ANKRD18B: variants seen among roughly 807,000 people sequenced by gnomAD.
ANKRD18B encodes the protein ankyrin repeat domain-containing protein 18B.
A neutral mutation model predicts 111.8 loss-of-function variants in ANKRD18B; 75 were observed. The ratio of observed to expected loss-of-function variants is 0.67; its 90% confidence interval spans 0.56 to 0.81. ANKRD18B has a LOEUF of 0.81. Ranked by LOEUF, ANKRD18B falls within the 40% of genes least tolerant of loss-of-function variation. The pLI is 0.00. For missense variants in ANKRD18B, 1,038 were observed against 1,225.5 expected (o/e 0.85, Z 2.28); for synonymous variants, 356 against 417.3 (o/e 0.85, Z 1.79).
chr9:33,573,307 G>A (rs1828810867), downstream of ANKRD18B: 6 of 984,710 alleles, frequency 6.1e-6, no homozygotes, highest in South Asian at 2.4e-4. Flanking sequence ...AACTAGCAAA[G>A]GGCCTTCTAG....
rs986554390 is a variant in ANKRD18B at position 33,534,362 on chromosome 9, T to C, written c.603-8T>C. The C allele has an allele frequency of 1.3e-6, 2 of 1,523,908 alleles. No individual in the cohort carries two copies. The allele number at this position is 1,523,908 out of a possible 1,614,324, so 94.4% of individuals were successfully genotyped here. On this transcript the variant is annotated splice_region_variant and splice_polypyrimidine_tract_variant and intron_variant, in intron 4 of 18. Transcript: ENST00000684830. ...TTCTTGAGTGCTGTTATTTCTTTAT[T>C]GTTTTAGAACAGCCCTCATACTTGC... is the stretch of plus-strand genomic sequence containing the variant.
chr9:33,569,113 T>C, intron 17 of ANKRD18B: 2 of 431,784 alleles, frequency 4.6e-6, no homozygotes, highest in East Asian at 4.0e-5. Flanking sequence ...ATTCAATAAA[T>C]GTGGTTAAAC....
At chr9:33,574,950 C>CTA (rs1828839934), downstream of ANKRD18B, among the ~76,000 whole-genome samples, 2 of 152,118 alleles carry the variant, frequency 1.3e-5, no homozygotes, top group Admixed American at 6.5e-5. Context: ...CTGTGAGTGG[C>CTA]TCTGCGTGAA....
intron 10 of ANKRD18B, among the ~76,000 whole-genome samples, chr9:33,544,714 G>A (rs1337575917): frequency 6.6e-6 from 1 of 152,094 alleles, no homozygotes; most frequent in Non-Finnish European, 1.5e-5. Flanking sequence ...GTGCATGCCT[G>A]TAATCCCAGC....
In ANKRD18B at chr9:33,566,574, G is replaced by A. The variant is rs13284896; in HGVS notation, c.2742+74G>A. On this transcript the variant is annotated intron_variant, in intron 15 of 18. Transcript: ENST00000684830. ...TTTCACTGCAAACTGTATTTTGGAT[G>A]TGTATATATTGTGTTTCCTCTGCCT... 14 of 1,531,286 alleles carry A rather than the reference G, an allele frequency of 9.1e-6. No individual in the cohort carries two copies. In the South Asian group the frequency reaches 1.3e-4, roughly 15 times the overall value. The allele number at this position is 1,531,286 out of a possible 1,614,324, so 94.9% of individuals were successfully genotyped here.
intron 10 of ANKRD18B, 106 bp from the exon 11 acceptor site, chr9:33,547,832 A>G: frequency 1.2e-6 from 1 of 808,310 alleles, no homozygotes. Flanking sequence ...TTATCCACTT[A>G]CAGCAACTTT....
At chr9:33,548,976 A>C in intron 11 of ANKRD18B, 121 bp downstream of exon 11, 1 of 1,036,432 alleles carries the variant, frequency 9.6e-7, no homozygotes, top group Non-Finnish European at 1.3e-6. Flanking sequence ...CATTCTGTAT[A>C]ATTCCATTTA....
At chr9:33,557,521 G>A (rs544932038) in intron 13 of ANKRD18B, among the ~76,000 whole-genome samples, 62 of 152,302 alleles carry the variant, frequency 4.1e-4, no homozygotes, top group African/African-American at 1.5e-3. Flanking sequence ...AGGTGTGGTG[G>A]CTCATGCCTG....
intron 12 of ANKRD18B, among the ~76,000 whole-genome samples, chr9:33,552,798 T>A (rs1020829301): frequency 4.0e-5 from 6 of 151,330 alleles, no homozygotes; most frequent in Admixed American, 2.6e-4. Context: ...TAGCTCACTA[T>A]GTACATGTAC....
At chr9:33,568,623 T>C in intron 16 of ANKRD18B, 48 bp from the exon 17 acceptor site, 1 of 1,436,346 alleles carries the variant, frequency 7.0e-7, no homozygotes, top group Non-Finnish European at 9.2e-7. Context: ...TTAAGAATCA[T>C]TCAAGGTAAA....
chr9:33,547,696 G>GTA (rs1263581420), intron 10 of ANKRD18B, among the ~76,000 whole-genome samples: 1 of 134,528 alleles, frequency 7.4e-6, no homozygotes, highest in Non-Finnish European at 1.7e-5. Flanking sequence ...GTGTGTGTGT[G>GTA]TGTGTGTGTG....
chr9:33,555,616 A>G (rs1398360450), intron 12 of ANKRD18B, 92 bp from the exon 13 acceptor site: 29 of 999,538 alleles, frequency 2.9e-5, no homozygotes, highest in Non-Finnish European at 3.6e-5. Context: ...GCCTAAATAC[A>G]TATTATTCAT....
In ANKRD18B at chr9:33,529,188, A is replaced by G. The variant is rs1235143273; in HGVS notation, c.495+15A>G. Reference sequence around the variant, plus strand: ...CACTAAACAAGGTACAGATCAATCAACTTTCTTTTCAAAATGTTTGTTTTA... The same window carrying G: ...CACTAAACAAGGTACAGATCAATCAGCTTTCTTTTCAAAATGTTTGTTTTA... On this transcript the variant is annotated intron_variant, in intron 3 of 18. Coordinates refer to ENST00000684830, the MANE Select transcript of ANKRD18B (RefSeq NM_001393611.1). 1.3e-6 allele frequency: 2 copies of G among 1,578,672 alleles called. No individual in the cohort carries two copies. The highest frequency in any genetic ancestry group is 1.4e-5 in the African/African-American group (1 of 73,322).
At position 33,555,025 on chromosome 9, in the gene ANKRD18B, G is replaced by T. The variant is rs1003205646; in HGVS notation, c.2218-683G>T. 1.6e-4 allele frequency among the ~76,000 whole-genome samples: 12 copies of T among 75,186 alleles called. 1 individual carries two copies. Among genetic ancestry groups the T allele is most frequent in the African/African-American group, 4.4e-4 (12 of 27,386 alleles). 49.3% of individuals were successfully genotyped at this position (75,186 alleles called of 152,430 possible). On this transcript the variant is annotated intron_variant, in intron 12 of 18. Transcript: ENST00000684830. ...CAAGTTTCAATATAACACTTATTGT[G>T]TTCAATAAAAACACAATAAGTGATG... is the stretch of plus-strand genomic sequence containing the variant.
Position 33,550,555 on chromosome 9 carries a change from G to C in ANKRD18B, c.2193G>C (p.Lys731Asn). 2.6e-6 allele frequency: 4 copies of C among 1,535,500 alleles called. No homozygotes were observed. Among genetic ancestry groups the C allele is most frequent in the Non-Finnish European group, 2.6e-6 (3 of 1,141,518 alleles). Residue 731 changes from lysine (K) to asparagine (N), a missense_variant, in exon 12 of 19, where the codon AAG (lysine) becomes AAC (asparagine). Around this residue, in one of 4 missense-constraint regions of ANKRD18B, gnomAD observed 524 missense variants for 677.9 expected, o/e 0.77. Transcript: ENST00000684830. ...INLDETWTSK[K>N]KLFQVEIQPE... ...TGGATGAGACATGGACTTCAAAGAA[G>C]AAATTATTTCAAGTAGAAATTCAAG...
chr9:33,544,605 A>G (rs1458665929), intron 10 of ANKRD18B, among the ~76,000 whole-genome samples: 1 of 152,202 alleles, frequency 6.6e-6, no homozygotes, highest in African/African-American at 2.4e-5. Context: ...TGGGAGGCTG[A>G]GGCAGGCAGA....
intron 6 of ANKRD18B, among the ~76,000 whole-genome samples, chr9:33,538,293 T>A (rs1372963967): frequency 6.6e-6 from 1 of 152,268 alleles, no homozygotes; most frequent in Non-Finnish European, 1.5e-5. Flanking sequence ...AGGCAGAAGT[T>A]ATGTTTCATA....
At chr9:33,550,606 A>G in intron 12 of ANKRD18B, 27 bp downstream of exon 12, 1 of 1,498,622 alleles carries the variant, frequency 6.7e-7, no homozygotes, top group Non-Finnish European at 8.9e-7. Context: ...ACATGTAGAC[A>G]GTTAATCTGT....
chr9:33,566,373 A>G lies in ANKRD18B; in HGVS notation c.2615A>G (p.Lys872Arg). 2 of 1,586,786 alleles carry G rather than the reference A, an allele frequency of 1.3e-6. No homozygotes were observed. Among genetic ancestry groups the G allele is most frequent in the Non-Finnish European group, 1.7e-6 (2 of 1,163,324 alleles). Reference sequence around the variant, plus strand: ...AAGGATAAAAAGATGTTGGAAGAAAAAGTATTAAATCTTAAGACACATATG... The same window carrying G: ...AAGGATAAAAAGATGTTGGAAGAAAGAGTATTAAATCTTAAGACACATATG... ...LEKDKKMLEEKVLNLKTHMEK... is the reference protein window; with the variant it reads ...LEKDKKMLEERVLNLKTHMEK... Residue 872 changes from lysine (K) to arginine (R), a missense_variant, in exon 15 of 19, where the codon AAA (lysine) becomes AGA (arginine). Transcript: ENST00000684830.
Sources: allele counts gnomAD v4.1 joint callset (sites outside exome capture counted in the v4.1 genomes callset), GRCh38; gene constraint gnomAD v4.1.1; regional missense constraint gnomAD v4.1.1; transcripts MANE v1.5; gene names NCBI Gene and HGNC (gene_info 2026-07-23, HGNC 2026-07-21).